Variants in MISP observed in about 807,000 individuals in gnomAD.
MISP encodes the protein mitotic spindle positioning, also known as mitotic interactor and substrate of PLK1.
MISP carries 51 observed loss-of-function variants against 49.3 expected under a neutral mutation model. The observed-to-expected ratio is 1.03, with a 90% confidence interval of 0.83 to 1.31. The LOEUF (loss-of-function observed/expected upper bound fraction) is 1.31, where lower values mean the gene tolerates loss of function less well. Ranked by LOEUF, MISP falls within the 50% of genes most tolerant of loss-of-function variation. The pLI is 0.00. For missense variants in MISP, 1,084 were observed against 935.1 expected (o/e 1.16, Z -2.08); for synonymous variants, 444 against 392.6 (o/e 1.13, Z -1.55).
Position 757,810 on chromosome 19 carries a change from C to T in MISP, c.864C>T (p.Pro288=), listed in dbSNP as rs1599184382. 2 of 1,611,900 alleles carry T rather than the reference C, an allele frequency of 1.2e-6. No individual in the cohort carries two copies. Among genetic ancestry groups the T allele is most frequent in the South Asian group, 2.2e-5 (2 of 90,994 alleles). Residue 288 remains proline, a synonymous_variant, in exon 2 of 5, where the codon CCC becomes CCT. Transcript: ENST00000215582. ...SLASVESPGT[P]KETPIEREIR... ...CCTCAGTGGAGTCCCCGGGGACCCC[C>T]AAGGAGACGCCCATCGAGCGGGAGA... is the stretch of plus-strand genomic sequence containing the variant.
Position 763,537 on chromosome 19 carries a change from G to A in MISP, c.1987G>A (p.Ala663Thr), listed in dbSNP as rs759569991. ...EAIRVTRHKNAMAERWESRIY... is the reference protein window; with the variant it reads ...EAIRVTRHKNTMAERWESRIY... The stretch of plus-strand genomic sequence containing the variant: ...CATACGGGTGACCCGTCACAAGAAC[G>A]CCATGGCAGAGCGCTGGGAATCCCG... Residue 663 changes from alanine to threonine, a missense_variant, in exon 5 of 5, where the codon GCC becomes ACC. Ala to Thr is a moderately conservative substitution (Grantham distance 58). Transcript: ENST00000215582. 14 of 1,614,082 alleles carry A rather than the reference G, an allele frequency of 8.7e-6. No individual in the cohort carries two copies. In the South Asian group the frequency reaches 8.8e-5, roughly 10 times the overall value.
intron 1 of MISP, among the ~76,000 whole-genome samples, chr19:755,371 G>A (rs2033533860): frequency 1.3e-5 from 2 of 152,222 alleles, no homozygotes; most frequent in Admixed American, 1.3e-4. Context: ...ACAAGGCCCA[G>A]GCGGGGATGT....
At chr19:761,204 C>A (rs1477165620) in intron 3 of MISP, among the ~76,000 whole-genome samples, 1 of 148,314 alleles carries the variant, frequency 6.7e-6, no homozygotes, top group Admixed American at 6.7e-5. Flanking sequence ...ATTCTCCTGC[C>A]TCGGCCTCCC....
chr19:757,101 C>CCA lies in MISP; in HGVS notation c.157_158dup (p.Asp54LeufsTer69). The CCA allele has an allele frequency of 1.9e-6, 3 of 1,613,108 alleles. No homozygotes were observed. The highest frequency in any genetic ancestry group is 2.5e-6 in the Non-Finnish European group (3 of 1,179,834). On this transcript the variant is annotated frameshift_variant, in exon 2 of 5. Transcript: ENST00000215582. LOFTEE classifies it high-confidence loss of function. The stretch of plus-strand genomic sequence containing the variant: ...GGCCAGGATGAGCCGCAGACATGGC[C>CCA]CACTGACCACAGGGCCCAGCAGGGC...
chr19:757,857 A>T lies in MISP; in HGVS notation c.911A>T (p.Glu304Val), dbSNP rs1212813471. Reference sequence around the variant, plus strand: ...GAGATCCGTCTGGCTCAGGAGCGTGAGGCAGACCTGCGAGAGCAGAGGGGG... The same window carrying T: ...GAGATCCGTCTGGCTCAGGAGCGTGTGGCAGACCTGCGAGAGCAGAGGGGG... Reference protein sequence around the residue: ...EREIRLAQEREADLREQRGLR... With the variant: ...EREIRLAQERVADLREQRGLR... Residue 304 changes from glutamate (E) to valine (V), a missense_variant, in exon 2 of 5, where the codon GAG (glutamate) becomes GTG (valine). Glu to Val is a moderately radical substitution (Grantham distance 121). Coordinates refer to ENST00000215582, the MANE Select transcript of MISP (RefSeq NM_173481.4). The T allele has an allele frequency of 5.6e-6, 9 of 1,611,088 alleles. No homozygotes were observed. Among genetic ancestry groups the T allele is most frequent in the Non-Finnish European group, 7.6e-6 (9 of 1,179,714 alleles).
intron 2 of MISP, among the ~76,000 whole-genome samples, chr19:759,680 G>A (rs192894783): frequency 1.6e-3 from 244 of 152,142 alleles, no homozygotes; most frequent in Middle Eastern, 6.8e-3. Context: ...GATTACAGGC[G>A]TGAGCCACCG....
Position 758,671 on chromosome 19 carries a change from C to A in MISP, c.1725C>A (p.Ser575=), listed in dbSNP as rs2033622160. The A allele has an allele frequency of 6.2e-7, 1 of 1,614,054 alleles. No individual in the cohort carries two copies. Among genetic ancestry groups the A allele is most frequent in the African/African-American group, 1.3e-5 (1 of 74,922 alleles). ...RRNALFPEVF[S]PTPDENSDQN... ...ATGCTCTCTTCCCAGAGGTCTTCTC[C>A]CCAACGCCAGATGAGAACTCTGACC... The change falls in exon 2 of 5, where the codon TCC becomes TCA. Residue 575 remains serine, a synonymous_variant. Transcript: ENST00000215582.
upstream of MISP, among the ~76,000 whole-genome samples, chr19:749,455 C>CACACCCT (rs2033425653): frequency 6.6e-6 from 1 of 152,248 alleles, no homozygotes; most frequent in Non-Finnish European, 1.5e-5. Context: ...CGTGAGGCCG[C>CACACCCT]GCACCCTGAG....
intron 1 of MISP, among the ~76,000 whole-genome samples, chr19:755,141 C>G (rs997885251): frequency 1.3e-5 from 2 of 152,120 alleles, no homozygotes; most frequent in African/African-American, 4.8e-5. Flanking sequence ...GGTGTGAGAA[C>G]TGTGCCCTGC....
intron 1 of MISP, among the ~76,000 whole-genome samples, chr19:752,848 C>T (rs886424326): frequency 6.6e-6 from 1 of 152,198 alleles, no homozygotes; most frequent in Non-Finnish European, 1.5e-5. Flanking sequence ...CGGGGAGCTC[C>T]AGGGTGCAGG....
chr19:756,804 G>C (rs903668997), intron 1 of MISP, 86 bp from the exon 2 acceptor site: 10 of 682,122 alleles, frequency 1.5e-5, no homozygotes, highest in East Asian at 1.4e-4. Flanking sequence ...CCATTTGATG[G>C]ACCCTTTGCC....
At chr19:763,080 G>T (rs1169060346) in intron 4 of MISP, among the ~76,000 whole-genome samples, 1 of 152,106 alleles carries the variant, frequency 6.6e-6, no homozygotes, top group Non-Finnish European at 1.5e-5. Context: ...ATGAGGTCAG[G>T]AGATCGAGAC....
At chr19:751,281 TGGC>T (rs1322687597) in intron 1 of MISP, 110 bp downstream of exon 1, 1 of 152,236 alleles carries the variant, frequency 6.6e-6, no homozygotes, top group Non-Finnish European at 1.5e-5. Context: ...TCTGCTTGCC[TGGC>T]GGCACTTGGG....
At chr19:752,536 G>A (rs1159978865) in intron 1 of MISP, among the ~76,000 whole-genome samples, 8 of 150,384 alleles carry the variant, frequency 5.3e-5, no homozygotes, top group Non-Finnish European at 8.9e-5. Flanking sequence ...AAAAAAAAGC[G>A]GGGGGCGGGG....
intron 1 of MISP, 93 bp from the exon 2 acceptor site, chr19:756,797 T>G: frequency 1.5e-6 from 1 of 660,976 alleles, no homozygotes; most frequent in Non-Finnish European, 2.6e-6. Flanking sequence ...ACAAAGGCCA[T>G]TTGATGGACC....
rs2033558559 is a variant in MISP at position 756,951 on chromosome 19, AC to A, written c.7del (p.Arg3AlafsTer2). On this transcript the variant is annotated frameshift_variant, in exon 2 of 5. Transcript: ENST00000215582. LOFTEE classifies it high-confidence loss of function. M[D>X]RVTRYPILGI... ...GAGGCCAAGACCCCGGAAGAGATGG[AC>A]CGCGTGACCAGATACCCCATCCTGG... 6.4e-7 allele frequency: 1 copy of A among 1,551,058 alleles called. No individual in the cohort carries two copies. The highest frequency in any genetic ancestry group is 1.4e-5 in the African/African-American group (1 of 73,590).
At chr19:762,139 A>G (rs1406082330) in intron 4 of MISP, among the ~76,000 whole-genome samples, 2 of 144,102 alleles carry the variant, frequency 1.4e-5, no homozygotes, top group Admixed American at 7.1e-5. Context: ...TTTTTAGTAG[A>G]GACGGGGTTT....
chr19:761,163 C>T (rs1016426536), intron 3 of MISP, among the ~76,000 whole-genome samples: 4 of 140,010 alleles, frequency 2.9e-5, no homozygotes, highest in Non-Finnish European at 6.1e-5. Flanking sequence ...GATCTTGGCT[C>T]ACTGCAACCT....
rs761558996 is a variant in MISP at position 757,730 on chromosome 19, C to G, written c.784C>G (p.Arg262Gly). The G allele has an allele frequency of 6.2e-7, 1 of 1,613,882 alleles. No homozygotes were observed. Among genetic ancestry groups the G allele is most frequent in the Non-Finnish European group, 8.5e-7 (1 of 1,179,968 alleles). Residue 262 changes from arginine (R) to glycine (G), a missense_variant, in exon 2 of 5, where the codon CGT becomes GGT. Arg to Gly is a moderately radical substitution (Grantham distance 125). Transcript: ENST00000215582. ...GGTGGTCAGGGAAGAGAACAAGGTG[C>G]GTGCTGTGCCCACCTGGGCCAGTGT... is the stretch of plus-strand genomic sequence containing the variant. ...KGVVREENKV[R>G]AVPTWASVQV...
Sources: allele counts gnomAD v4.1 joint callset (sites outside exome capture counted in the v4.1 genomes callset), GRCh38; gene constraint gnomAD v4.1.1; transcripts MANE v1.5; gene names NCBI Gene and HGNC (gene_info 2026-07-23, HGNC 2026-07-21).